The following EML6 variants were observed in gnomAD, a reference collection of about 807,000 sequenced individuals.
EML6 encodes the protein echinoderm microtubule-associated protein-like 6.
A neutral mutation model predicts 240.1 loss-of-function variants in EML6; 154 were observed. That is an observed-to-expected ratio of 0.64 (90% CI 0.56 to 0.73). The LOEUF is 0.73. EML6 is among the 30% of genes least tolerant of loss of function. The probability of loss-of-function intolerance (pLI) is 0.00; values close to 1 mark genes in which losing one functional copy is unlikely to be tolerated. For synonymous variants in EML6, 1,148 were observed against 899.0 expected, an observed-to-expected ratio of 1.28 and a Z score of -4.95; for missense variants, 2,964 against 2,474.6, an observed-to-expected ratio of 1.20 and a Z score of -4.20.
At chr2:54,778,891 C>CAAAAAAAAAAAAAA (rs556068541) in intron 2 of EML6, among the ~76,000 whole-genome samples, 14 of 99,512 alleles carry the variant, frequency 1.4e-4, no homozygotes, top group South Asian at 3.4e-4. Context: ...GACTCCATCT[C>CAAAAAAAAAAAAAA]AAAAAAAAAA....
rs921050977 is a variant in EML6 at position 54,781,009 on chromosome 2, A to G, written c.198-32223A>G. Among the ~76,000 whole-genome samples the G allele has an allele frequency of 3.9e-5, 6 of 152,204 alleles. No individual in the cohort carries two copies. In the South Asian group the frequency reaches 1.0e-3, roughly 26 times the overall value. ...ATGTAAAAACGTGAAAGGTAATACT[A>G]TATGGTTTTCTGTATAAGAGGATAT... On this transcript the variant is annotated intron_variant, in intron 2 of 41. Transcript: ENST00000356458.
chr2:54,770,144 T>G (rs2103799979), intron 2 of EML6, among the ~76,000 whole-genome samples: 1 of 152,328 alleles, frequency 6.6e-6, no homozygotes, highest in African/African-American at 2.4e-5. Flanking sequence ...TTGGGCAGTT[T>G]TCTAACTTAA....
intron 5 of EML6, among the ~76,000 whole-genome samples, chr2:54,825,611 C>G (rs1203831358): frequency 6.6e-6 from 1 of 151,744 alleles, no homozygotes; most frequent in Non-Finnish European, 1.5e-5. Flanking sequence ...TAATAATACC[C>G]AAAGAAATGA....
intron 2 of EML6, among the ~76,000 whole-genome samples, chr2:54,808,374 A>G (rs373351830): frequency 6.6e-6 from 1 of 152,144 alleles, no homozygotes; most frequent in African/African-American, 2.4e-5. Flanking sequence ...TCAATCCCCA[A>G]AGCAGCAACC....
intron 28 of EML6, among the ~76,000 whole-genome samples, chr2:54,942,282 T>C (rs1164905716): frequency 6.6e-6 from 1 of 152,206 alleles, no homozygotes; most frequent in African/African-American, 2.4e-5. Flanking sequence ...TCCCACAGTG[T>C]AATCATCAAA....
intron 5 of EML6, among the ~76,000 whole-genome samples, chr2:54,823,878 T>TCTCTCTTTCTCTCTCTCTCTCTCTCTCTC (rs60937620): frequency 7.7e-6 from 1 of 129,124 alleles, no homozygotes; most frequent in African/African-American, 3.4e-5. Context: ...CTCTCTCTCT[T>TCTCTCTTTCTCTCTCTCTCTCTCTCTCTC]TCTGTCTCTC....
intron 2 of EML6, among the ~76,000 whole-genome samples, chr2:54,773,486 C>T (rs1297420086): frequency 4.6e-5 from 7 of 152,250 alleles, no homozygotes; most frequent in Non-Finnish European, 8.8e-5. Flanking sequence ...GAAGGCTGAG[C>T]TTTCTTCCAC....
intron 21 of EML6, among the ~76,000 whole-genome samples, chr2:54,897,041 C>CT (rs372639363): frequency 4.6e-5 from 7 of 151,560 alleles, no homozygotes; most frequent in African/African-American, 9.7e-5. Flanking sequence ...CAAACTAAAT[C>CT]TTTTTTTTTC....
chr2:54,929,675 A>G (rs1367276152), intron 28 of EML6, among the ~76,000 whole-genome samples: 1 of 145,610 alleles, frequency 6.9e-6, no homozygotes, highest in African/African-American at 2.6e-5. Context: ...GTGGGGTTTT[A>G]GATGCAAAGA....
At chr2:54,807,395 A>G (rs1274028800) in intron 2 of EML6, among the ~76,000 whole-genome samples, 1 of 152,244 alleles carries the variant, frequency 6.6e-6, no homozygotes, top group East Asian at 1.9e-4. Context: ...TTATATATTC[A>G]CAATGTAACA....
At chr2:54,899,145 C>A (rs1209295741) in intron 21 of EML6, among the ~76,000 whole-genome samples, 1 of 152,156 alleles carries the variant, frequency 6.6e-6, no homozygotes, top group Non-Finnish European at 1.5e-5. Context: ...ATTCAAAGGA[C>A]TAAAATTGCA....
intron 38 of EML6, among the ~76,000 whole-genome samples, chr2:54,966,281 T>C (rs1480632182): frequency 3.3e-5 from 5 of 152,224 alleles, no homozygotes; most frequent in African/African-American, 1.2e-4. Flanking sequence ...GCAGGGTGTG[T>C]AGGTGTTAGC....
At chr2:54,810,740 T>G (rs369104051) in intron 2 of EML6, among the ~76,000 whole-genome samples, 1 of 152,162 alleles carries the variant, frequency 6.6e-6, no homozygotes, top group Non-Finnish European at 1.5e-5. Context: ...TAATGCCTAC[T>G]CTGCTGTATG....
chr2:54,851,329 C>T (rs970068175), intron 10 of EML6, among the ~76,000 whole-genome samples: 5 of 152,158 alleles, frequency 3.3e-5, no homozygotes, highest in African/African-American at 1.2e-4. Context: ...GGCAGAATTG[C>T]TTGAACCCAG....
rs183690566 is a variant in EML6, at chr2:54,946,990, C to T, written c.4005-1892C>T. Among the ~76,000 whole-genome samples the T allele has an allele frequency of 3.7e-3, 564 of 151,296 alleles. 4 individuals are homozygous for T. Among genetic ancestry groups the T allele is most frequent in the African/African-American group, 0.013 (539 of 41,166 alleles). On this transcript the variant is annotated intron_variant, in intron 28 of 41. Transcript: ENST00000356458. ...ACAATCTCCTGTATATATAAATACA[C>T]GGTGTTTGTGCTTGTACGCATACTC...
intron 2 of EML6, among the ~76,000 whole-genome samples, chr2:54,749,606 C>G (rs1848925): frequency 0.43 from 65,672 of 151,844 alleles, 14,320 homozygotes; most frequent in Middle Eastern, 0.5. Context: ...GTACTGGGCA[C>G]GCTGAGCATT....
intron 15 of EML6, among the ~76,000 whole-genome samples, chr2:54,870,382 T>A (rs556023883): frequency 6.7e-6 from 1 of 149,762 alleles, no homozygotes; most frequent in East Asian, 1.9e-4. Flanking sequence ...GGTTTATACA[T>A]GAATTTGCTG....
intron 8 of EML6, among the ~76,000 whole-genome samples, chr2:54,845,955 A>G: frequency 6.6e-6 from 1 of 152,272 alleles, no homozygotes; most frequent in East Asian, 1.9e-4. Flanking sequence ...GATGGAAGTC[A>G]GATACCACAA....
At chr2:54,832,936 A>T (rs1014929797) in intron 7 of EML6, among the ~76,000 whole-genome samples, 3 of 152,232 alleles carry the variant, frequency 2.0e-5, no homozygotes, top group African/African-American at 7.2e-5. Flanking sequence ...TTTTTATAAG[A>T]ACTATCTTGA....
Sources: gnomAD v4.1 joint callset for allele counts (sites outside exome capture counted in the v4.1 genomes callset) on GRCh38, gnomAD v4.1.1 for gene constraint, MANE v1.5 for transcripts, NCBI Gene and HGNC (gene_info 2026-07-23, HGNC 2026-07-21) for gene names.